CYB5R3: variants seen among roughly 807,000 people sequenced by gnomAD.
CYB5R3 encodes NADH-cytochrome b5 reductase 3.
A neutral mutation model predicts 36.5 loss-of-function variants in CYB5R3; 28 were observed. The ratio of observed to expected loss-of-function variants is 0.77; its 90% CI spans 0.57 to 1.05. The LOEUF is 1.05. CYB5R3 is among the 50% of genes least tolerant of loss of function. CYB5R3 has a pLI of 0.00. For synonymous variants in CYB5R3, 181 were observed against 159.8 expected (o/e 1.13, Z -1.00); for missense variants, 474 against 408.9 (o/e 1.16, Z -1.37).
chr22:42,644,194 G>A (rs1929424874), intron 1 of CYB5R3, among the ~76,000 whole-genome samples: 1 of 152,074 alleles, frequency 6.6e-6, no homozygotes, highest in Non-Finnish European at 1.5e-5. Flanking sequence ...CCCAGGACAG[G>A]GGCACTCTTT....
chr22:42,640,269 A>T (rs1929178270), intron 1 of CYB5R3: 1 of 1,559,680 alleles, frequency 6.4e-7, no homozygotes, highest in South Asian at 1.2e-5. Flanking sequence ...GGACAAATGG[A>T]GCCATGGTTC....
rs773416768 is a variant in CYB5R3, at chr22:42,640,059, T to C, written c.22-3213A>G. 10 of 1,613,892 alleles carry C rather than the reference T, an allele frequency of 6.2e-6. No homozygotes were observed. The South Asian group carries it at 9.9e-5, about 16-fold the overall frequency. ...TGGCCACCAAACCGTTCAGCAAAGC[T>C]TCCTTAACTGTGAGCTGTTTGAAGC... On this transcript the variant is annotated intron_variant, in intron 1 of 8. Transcript: ENST00000352397.
chr22:42,628,040 C>G, intron 5 of CYB5R3, 112 bp downstream of exon 5: 4 of 1,460,216 alleles, frequency 2.7e-6, no homozygotes, highest in Non-Finnish European at 3.8e-6. Context: ...GCTGGCCTGA[C>G]GAGAGTCACC....
intron 4 of CYB5R3, 69 bp downstream of exon 4, chr22:42,630,813 G>T: frequency 7.5e-7 from 1 of 1,325,974 alleles, no homozygotes; most frequent in Non-Finnish European, 1.1e-6. Flanking sequence ...CTGTCCAGGG[G>T]GTCCACATGG....
At position 42,647,027 on chromosome 22, in the gene CYB5R3, A is replaced by G. The variant is rs1299425789; in HGVS notation, c.21+2268T>C. 3.1e-6 allele frequency: 3 copies of G among 972,528 alleles called. No individual in the cohort carries two copies. In the African/African-American group the frequency reaches 5.3e-5, roughly 17 times the overall value. 60.2% of individuals were successfully genotyped at this position (972,528 alleles called of 1,614,324 possible). The stretch of plus-strand genomic sequence containing the variant: ...GGCCAACCCCTGGCCTGGATCCCAC[A>G]AAGTGTTGGGAGAGGCCTCCCATGG... On this transcript the variant is annotated intron_variant, in intron 1 of 8. Transcript: ENST00000352397.
chr22:42,629,521 C>T (rs1173175000), intron 4 of CYB5R3, among the ~76,000 whole-genome samples: 1 of 152,222 alleles, frequency 6.6e-6, no homozygotes, highest in Non-Finnish European at 1.5e-5. Context: ...TGTCCAGTGT[C>T]CGTCCTCCAG....
intron 1 of CYB5R3, chr22:42,644,716 G>A (rs138245656): frequency 3.2e-6 from 3 of 937,568 alleles, no homozygotes; most frequent in South Asian, 4.9e-5. Context: ...AAAGTTGGCC[G>A]AAGTTACATT....
At chr22:42,640,403 G>C in intron 1 of CYB5R3, 1 of 599,768 alleles carries the variant, frequency 1.7e-6, no homozygotes, top group Non-Finnish European at 2.3e-6. Flanking sequence ...ATTTGAGATG[G>C]AGTCTCACTC....
chr22:42,625,807 A>C (rs1050993281), intron 7 of CYB5R3, among the ~76,000 whole-genome samples: 1 of 152,046 alleles, frequency 6.6e-6, no homozygotes, highest in African/African-American at 2.4e-5. Flanking sequence ...CCTGAGGCCA[A>C]ATGGTTTTCA....
chr22:42,643,958 CG>C (rs1207406514), intron 1 of CYB5R3, among the ~76,000 whole-genome samples: 1 of 152,080 alleles, frequency 6.6e-6, no homozygotes, highest in Non-Finnish European at 1.5e-5. Flanking sequence ...CCCTAGGCTG[CG>C]GGCACTGTGA....
chr22:42,622,881 C>A (rs898342824), intron 8 of CYB5R3, among the ~76,000 whole-genome samples: 1 of 152,224 alleles, frequency 6.6e-6, no homozygotes, highest in Admixed American at 6.5e-5. Context: ...GGTGCTCACA[C>A]GGGTATTCAA....
chr22:42,623,666 C>T (rs1928105875), intron 8 of CYB5R3, 123 bp downstream of exon 8: 1 of 782,270 alleles, frequency 1.3e-6, no homozygotes, highest in Non-Finnish European at 2.2e-6. Flanking sequence ...CACCACCTGC[C>T]TCCCACAGGG....
chr22:42,623,175 T>TAC (rs1266758544), intron 8 of CYB5R3, among the ~76,000 whole-genome samples: 2 of 152,196 alleles, frequency 1.3e-5, no homozygotes, highest in African/African-American at 4.8e-5. Flanking sequence ...TACTTATACC[T>TAC]ACATCTCTAT....
chr22:42,641,002 G>A (rs942976100), intron 1 of CYB5R3, among the ~76,000 whole-genome samples: 1 of 151,780 alleles, frequency 6.6e-6, no homozygotes, highest in African/African-American at 2.4e-5. Context: ...GATCACAGGC[G>A]CACGTCACCA....
intron 1 of CYB5R3, chr22:42,640,308 G>T (rs1051190598): frequency 1.4e-5 from 22 of 1,521,052 alleles, no homozygotes; most frequent in Non-Finnish European, 1.9e-5. Context: ...ATCCCGAATG[G>T]CCAGCTGAAG....
intron 4 of CYB5R3, among the ~76,000 whole-genome samples, chr22:42,628,948 A>T (rs1482282472): frequency 6.6e-6 from 1 of 151,966 alleles, no homozygotes; most frequent in Non-Finnish European, 1.5e-5. Context: ...TGGGGTGTGG[A>T]GGCAGAGGGG....
At chr22:42,627,470 G>A in intron 6 of CYB5R3, 81 bp from the exon 7 acceptor site, 1 of 1,503,060 alleles carries the variant, frequency 6.7e-7, no homozygotes, top group Admixed American at 1.8e-5. Context: ...GTACTGGGGT[G>A]GAGGGGCCAG....
intron 1 of CYB5R3, chr22:42,646,672 CA>C: frequency 1.0e-6 from 1 of 985,656 alleles, no homozygotes; most frequent in Non-Finnish European, 1.2e-6. Context: ...GCGGTCCTGC[CA>C]GAATCTGAGC....
At chr22:42,630,486 G>A (rs1325435776) in intron 4 of CYB5R3, among the ~76,000 whole-genome samples, 1 of 152,194 alleles carries the variant, frequency 6.6e-6, no homozygotes, top group Non-Finnish European at 1.5e-5. Flanking sequence ...GTCACACCTC[G>A]CAGCAGGGGC....
Sources: gnomAD v4.1 joint callset for allele counts (sites outside exome capture counted in the v4.1 genomes callset) on GRCh38, gnomAD v4.1.1 for gene constraint, MANE v1.5 for transcripts, NCBI Gene and HGNC (gene_info 2026-07-23, HGNC 2026-07-21) for gene names.